FHIP2B: variants seen among roughly 807,000 people sequenced by gnomAD.
FHIP2B encodes the protein FHF complex subunit HOOK interacting protein 2B, also known as FHF complex subunit HOOK-interacting protein 2B.
A neutral mutation model predicts 84.0 loss-of-function variants in FHIP2B; 72 were observed. That is an observed-to-expected ratio of 0.86 (90% CI 0.71 to 1.04). The LOEUF is 1.04. FHIP2B is among the 50% of genes least tolerant of loss of function. FHIP2B has a pLI of 0.00. For synonymous variants in FHIP2B, 497 were observed against 418.7 expected, an observed-to-expected ratio of 1.19 and a Z score of -2.28; for missense variants, 972 against 968.9, an observed-to-expected ratio of 1.00 and a Z score of -0.04.
chr8:22,101,916 G>T, intron 14 of FHIP2B, 65 bp downstream of exon 14: 1 of 1,575,646 alleles, frequency 6.3e-7, no homozygotes, highest in Non-Finnish European at 8.6e-7. Flanking sequence ...CAAGAGCAGA[G>T]GTTGGCCACA....
In FHIP2B at chr8:22,089,280, G is replaced by A. The variant is rs556220943; in HGVS notation, c.27G>A (p.Leu9=). MLSRLGAL[L]QEAVGAREPS... ...TGCTGAGCCGGCTCGGGGCGCTGCT[G>A]CAGGAAGCCGTGGGGGCGGTGAGGC... Residue 9 remains leucine, a synonymous_variant, in exon 1 of 17, where the codon CTG becomes CTA. Coordinates refer to ENST00000289921, the MANE Select transcript of FHIP2B (RefSeq NM_022749.7). The A allele has an allele frequency of 3.9e-4, 404 of 1,043,384 alleles. No homozygotes were observed. In the African/African-American group the frequency reaches 6.7e-3, roughly 17 times the overall value. 64.6% of individuals were successfully genotyped at this position (1,043,384 alleles called of 1,614,324 possible).
At chr8:22,100,542 C>G in intron 10 of FHIP2B, 52 bp from the exon 11 acceptor site, 1 of 1,486,918 alleles carries the variant, frequency 6.7e-7, no homozygotes, top group Non-Finnish European at 8.9e-7. Flanking sequence ...CAAGGCACCC[C>G]TGGGAGCTGG....
chr8:22,092,980 T>C (rs1360921356), intron 1 of FHIP2B, among the ~76,000 whole-genome samples: 2 of 152,244 alleles, frequency 1.3e-5, no homozygotes, highest in Non-Finnish European at 2.9e-5. Flanking sequence ...CATCCTCATG[T>C]TGCTTGTGGC....
rs773764902 is a variant in FHIP2B at position 22,098,491 on chromosome 8, T to A, written c.837T>A (p.Ala279=). The A allele has an allele frequency of 6.2e-7, 1 of 1,613,132 alleles. No homozygotes were observed. The highest frequency in any genetic ancestry group is 1.1e-5 in the South Asian group (1 of 91,074). The stretch of plus-strand genomic sequence containing the variant: ...TGGTGAGCATGGCCTCCCCAGCAGC[T>A]GCCACCTACCTGGTACAGAGCAGCG... The part of the protein sequence containing the change: ...LLLVSMASPA[A]ATYLVQSSAC... The change falls in exon 7 of 17, where the codon GCT becomes GCA. Residue 279 remains alanine (A), a synonymous_variant. Transcript: ENST00000289921.
chr8:22,100,368 T>C (rs1356310819), intron 10 of FHIP2B: 1 of 456,494 alleles, frequency 2.2e-6, no homozygotes, highest in Non-Finnish European at 3.8e-6. Context: ...GCGAATTGGC[T>C]TGCCTGAAAT....
At chr8:22,094,877 A>C in intron 2 of FHIP2B, 1 of 1,100,280 alleles carries the variant, frequency 9.1e-7, no homozygotes. Context: ...GGATTTAATG[A>C]TCAAAAGAAA....
rs965587923 is a variant in FHIP2B, at chr8:22,098,090, A to G, written c.548A>G (p.Lys183Arg). ...CAGGGTAAAAAGATTGTAGGTAGGA[A>G]GAAAGCATGCGGAGAACCCACTGCC... Reference protein sequence around the residue: ...ILEGKKIVGRKKACGEPTALP... With the variant: ...ILEGKKIVGRRKACGEPTALP... The change falls in exon 6 of 17, where the codon AAG (lysine) becomes AGG (arginine). Residue 183 changes from lysine (K) to arginine (R), a missense_variant. By Grantham distance (26) the Lys-to-Arg change is conservative. Transcript: ENST00000289921. The G allele has an allele frequency of 1.3e-6, 2 of 1,592,456 alleles. No homozygotes were observed. The highest frequency in any genetic ancestry group is 1.7e-6 in the Non-Finnish European group (2 of 1,169,630).
chr8:22,095,033 T>A, intron 2 of FHIP2B: 1 of 339,256 alleles, frequency 2.9e-6, no homozygotes. Context: ...GCCAAAGCCT[T>A]GGCACCTGGT....
At position 22,099,017 on chromosome 8, in the gene FHIP2B, G is replaced by GT; in HGVS notation, c.1038dup (p.Asp347Ter). On this transcript the variant is annotated frameshift_variant, in exon 8 of 17. Transcript: ENST00000289921. LOFTEE classifies it high-confidence loss of function. ...AGGCCTTGGCTGCCTTCTTGGGCTGGTTTGATTACTGCGACCACCTCATCA... is the reference window on the plus strand; with the variant it reads ...AGGCCTTGGCTGCCTTCTTGGGCTGGTTTTGATTACTGCGACCACCTCATCA... The GT allele has an allele frequency of 1.2e-6, 2 of 1,607,758 alleles. No homozygotes were observed. Among genetic ancestry groups the GT allele is most frequent in the Non-Finnish European group, 1.7e-6 (2 of 1,176,984 alleles).
In FHIP2B at chr8:22,098,201, G is replaced by T. The variant is rs1447265616; in HGVS notation, c.659G>T (p.Cys220Phe). The change falls in exon 6 of 17, where the codon TGT becomes TTT. Residue 220 changes from cysteine (C) to phenylalanine (F), a missense_variant. By Grantham distance (205) the Cys-to-Phe change is radical (BLOSUM62 -2). Transcript: ENST00000289921. ...PARPQLDGES[C>F]GAQALNSHMP... ...AGGCCCCAGCTGGACGGGGAGTCCT[G>T]TGGGGCCCAGGCCTTGAACAGCCAC... The T allele has an allele frequency of 6.3e-7, 1 of 1,580,430 alleles. No individual in the cohort carries two copies.
chr8:22,100,344 T>G, intron 10 of FHIP2B: 1 of 438,476 alleles, frequency 2.3e-6, no homozygotes, highest in Non-Finnish European at 4.0e-6. Context: ...ACATGGAAAG[T>G]AAGGCACGGA....
At position 22,096,768 on chromosome 8, in the gene FHIP2B, G is replaced by A. The variant is rs566223171; in HGVS notation, c.297+259G>A. On this transcript the variant is annotated intron_variant, in intron 3 of 16. Coordinates refer to ENST00000289921, the MANE Select transcript of FHIP2B (RefSeq NM_022749.7). Reference sequence around the variant, plus strand: ...GAGGAGCAAACAGGACGGGCACTGTGGCTGTCTCACTTAGAACACTCCACC... The same window carrying A: ...GAGGAGCAAACAGGACGGGCACTGTAGCTGTCTCACTTAGAACACTCCACC... 7.0e-6 allele frequency: 3 copies of A among 429,754 alleles called. No individual in the cohort carries two copies. In the East Asian group the frequency reaches 1.3e-4, roughly 18 times the overall value. The allele number at this position is 429,754 out of a possible 1,614,324, so 26.6% of individuals were successfully genotyped here. A position where few individuals can be genotyped will look rare whatever the true frequency, so the allele number is the denominator to read the frequency against.
chr8:22,097,824 C>T lies in FHIP2B; in HGVS notation c.510C>T (p.Leu170=), dbSNP rs766871647. The T allele has an allele frequency of 1.1e-4, 170 of 1,613,164 alleles. 1 individual carries two copies. Among genetic ancestry groups the T allele is most frequent in the Non-Finnish European group, 1.1e-4 (129 of 1,179,700 alleles). Residue 170 remains leucine (L), a synonymous_variant, in exon 5 of 17, where the codon CTC becomes CTT. Transcript: ENST00000289921. ...AGATCCAGCAGGACCCAGAGCTGCT[C>T]GCCTACATCCTGGAAGTGAGCACTC... The part of the protein sequence containing the change: ...CSKIQQDPEL[L]AYILEGKKIV...
intron 10 of FHIP2B, 124 bp downstream of exon 10, chr8:22,100,017 C>A: frequency 2.1e-6 from 2 of 968,168 alleles, no homozygotes; most frequent in Non-Finnish European, 2.9e-6. Context: ...AACTGCAAAA[C>A]ACTGCCGAGC....
chr8:22,095,011 A>T, intron 2 of FHIP2B: 1 of 544,714 alleles, frequency 1.8e-6, no homozygotes, highest in African/African-American at 2.1e-5. Context: ...CTCCAAGCTG[A>T]CACCCCAAAG....
In FHIP2B at chr8:22,101,457, C is replaced by T; in HGVS notation, c.1634C>T (p.Pro545Leu). 6.2e-7 allele frequency: 1 copy of T among 1,610,988 alleles called. No homozygotes were observed. The highest frequency in any genetic ancestry group is 8.5e-7 in the Non-Finnish European group (1 of 1,178,342). ...TCTCTCAGTTTCCTGTGCCTGGTCC[C>T]CGAGGAAGCCAAGACCTCTGCCTTC... ...EIVNSFLCLV[P>L]EEAKTSAFLE... Residue 545 changes from proline to leucine, a missense_variant, in exon 13 of 17, where the codon CCC (proline) becomes CTC (leucine). Physicochemically the swap from Pro to Leu is moderately conservative, Grantham distance 98. Coordinates refer to ENST00000289921, the MANE Select transcript of FHIP2B (RefSeq NM_022749.7).
At chr8:22,092,896 C>A (rs1825568765) in intron 1 of FHIP2B, among the ~76,000 whole-genome samples, 1 of 152,204 alleles carries the variant, frequency 6.6e-6, no homozygotes, top group South Asian at 2.1e-4. Flanking sequence ...ACACTACTTC[C>A]TTGTAGCTTC....
In FHIP2B at chr8:22,100,898, A is replaced by C. The variant is rs1274156152; in HGVS notation, c.1542A>C (p.Gln514His). The change falls in exon 12 of 17, where the codon CAA (glutamine) becomes CAC (histidine). Residue 514 changes from glutamine to histidine, a missense_variant. Transcript: ENST00000289921. Reference protein sequence around the residue: ...FTDSFLDSGFQTPAKPRLAPA... With the variant: ...FTDSFLDSGFHTPAKPRLAPA... ...ACAGCTTCCTGGATTCCGGCTTTCA[A>C]ACTCCCGCAAAGCCTCGCCTAGCTC... is the stretch of plus-strand genomic sequence containing the variant. 5 of 1,613,768 alleles carry C rather than the reference A, an allele frequency of 3.1e-6. No homozygotes were observed. In the East Asian group the frequency reaches 8.9e-5, roughly 29 times the overall value.
rs368161682 is a variant in FHIP2B at position 22,096,512 on chromosome 8, G to C, written c.297+3G>C. ...TCTGCACGCTGGGCAAGGCCGAGGT[G>C]GGAGGCCCTCTGCGCGCTGGGCCAG... On this transcript the variant is annotated splice_donor_region_variant and intron_variant, in intron 3 of 16. Coordinates refer to ENST00000289921, the MANE Select transcript of FHIP2B (RefSeq NM_022749.7). The C allele has an allele frequency of 6.5e-7, 1 of 1,526,750 alleles. No homozygotes were observed. The highest frequency in any genetic ancestry group is 8.8e-7 in the Non-Finnish European group (1 of 1,131,436). 94.6% of individuals were successfully genotyped at this position (1,526,750 alleles called of 1,614,324 possible). A position where few individuals can be genotyped will look rare whatever the true frequency, so the allele number is the denominator to read the frequency against.
Sources: allele counts gnomAD v4.1 joint callset (sites outside exome capture counted in the v4.1 genomes callset), GRCh38; gene constraint gnomAD v4.1.1; transcripts MANE v1.5; gene names NCBI Gene and HGNC (gene_info 2026-07-23, HGNC 2026-07-21).